RTKN2: variants seen among roughly 807,000 people sequenced by gnomAD.
RTKN2 encodes rhotekin-2.
RTKN2 carries 69 observed loss-of-function variants against 71.5 expected under a neutral mutation model. The ratio of observed to expected loss-of-function variants is 0.96; its 90% CI spans 0.79 to 1.18. The LOEUF is 1.18. RTKN2 is among the 50% of genes most tolerant of loss of function. The probability of loss-of-function intolerance (pLI) is 0.00; values close to 1 mark genes in which losing one functional copy is unlikely to be tolerated. For synonymous variants in RTKN2, 236 were observed against 236.5 expected (o/e 1.00, Z 0.02); for missense variants, 724 against 719.7 (o/e 1.01, Z -0.07).
rs1008592747 is a variant in RTKN2, at chr10:62,223,245, A to G, written c.774T>C (p.Asn258=). ...DSFKTHNLSI[N]GNEESSFWLP... ...AATATATACTGTACTTACCATTTCCATTAATAGACAGATTATGGGTCTTGA... is the reference window on the plus strand; with the variant it reads ...AATATATACTGTACTTACCATTTCCGTTAATAGACAGATTATGGGTCTTGA... Residue 258 remains asparagine, a synonymous_variant, in exon 7 of 12, where the codon AAT becomes AAC. Coordinates refer to ENST00000373789, the MANE Select transcript of RTKN2 (RefSeq NM_145307.4). The G allele has an allele frequency of 2.5e-6, 4 of 1,583,786 alleles. No homozygotes were observed. The African/African-American group carries it at 5.4e-5, about 21-fold the overall frequency.
chr10:62,204,779 T>TTAC (rs1428228769), intron 10 of RTKN2, 78 bp downstream of exon 10: 57 of 1,158,414 alleles, frequency 4.9e-5, no homozygotes, highest in Non-Finnish European at 6.7e-5. Context: ...AACTCTAAGA[T>TTAC]TACAATTTTA....
chr10:62,199,942 C>A, intron 10 of RTKN2, 81 bp from the exon 11 acceptor site: 1 of 890,080 alleles, frequency 1.1e-6, no homozygotes, highest in South Asian at 1.6e-5. Context: ...GATAGCAATA[C>A]ATTTTTGCTT....
intron 9 of RTKN2, among the ~76,000 whole-genome samples, chr10:62,212,881 G>A (rs796764032): frequency 6.6e-6 from 1 of 152,102 alleles, no homozygotes; most frequent in African/African-American, 2.4e-5. Flanking sequence ...TGAAGGTAGG[G>A]CAGGGAGGAA....
In RTKN2 at chr10:62,195,241, C is replaced by G. The variant is rs1841299372; in HGVS notation, c.*2667G>C. 2 of 980,358 alleles carry G rather than the reference C, an allele frequency of 2.0e-6. No homozygotes were observed. Among genetic ancestry groups the G allele is most frequent in the South Asian group, 9.4e-5 (2 of 21,176 alleles). The allele number at this position is 980,358 out of a possible 1,614,324, so 60.7% of individuals were successfully genotyped here. A position where few individuals can be genotyped will look rare whatever the true frequency, so the allele number is the denominator to read the frequency against. On this transcript the variant is annotated 3_prime_UTR_variant, in exon 12 of 12. Coordinates refer to ENST00000373789, the MANE Select transcript of RTKN2 (RefSeq NM_145307.4). Reference sequence around the variant, plus strand: ...CCCCAATTATATTATCAAGAGCTGACAGCTAACTCTTTGTTTCAAGTTTAT... The same window carrying G: ...CCCCAATTATATTATCAAGAGCTGAGAGCTAACTCTTTGTTTCAAGTTTAT...
Position 62,198,321 on chromosome 10 carries a change from G to A in RTKN2, c.1417C>T (p.Leu473Phe). The change falls in exon 12 of 12, where the codon CTC becomes TTC. Residue 473 changes from leucine to phenylalanine, a missense_variant. By Grantham distance (22) the Leu-to-Phe change is conservative. Coordinates refer to ENST00000373789, the MANE Select transcript of RTKN2 (RefSeq NM_145307.4). ...ACCATTTGATGGTTACCATCAAAGA[G>A]TGTGGCCCAAGGAGGTGGTAAGGAT... ...EESLPPPWATLFDGNHQMVIQ... is the reference protein window; with the variant it reads ...EESLPPPWATFFDGNHQMVIQ... The A allele has an allele frequency of 6.2e-7, 1 of 1,613,774 alleles. No individual in the cohort carries two copies. Among genetic ancestry groups the A allele is most frequent in the Non-Finnish European group, 8.5e-7 (1 of 1,179,738 alleles).
intron 9 of RTKN2, among the ~76,000 whole-genome samples, chr10:62,212,033 T>TA (rs1841670429): frequency 6.6e-6 from 1 of 152,150 alleles, no homozygotes; most frequent in African/African-American, 2.4e-5. Flanking sequence ...AACTGGTTTT[T>TA]ATCCTTTGTT....
chr10:62,210,822 G>C (rs926357288), intron 9 of RTKN2, among the ~76,000 whole-genome samples: 1 of 151,848 alleles, frequency 6.6e-6, no homozygotes, highest in Non-Finnish European at 1.5e-5. Context: ...GAAAATGTTT[G>C]AAAAATTATT....
At chr10:62,237,844 A>C (rs1186499759) in intron 5 of RTKN2, among the ~76,000 whole-genome samples, 1 of 151,264 alleles carries the variant, frequency 6.6e-6, no homozygotes, top group Non-Finnish European at 1.5e-5. Flanking sequence ...ATTGGCCTGG[A>C]ATGTAGGAGG....
intron 5 of RTKN2, chr10:62,238,406 C>G (rs1842301952): frequency 6.6e-6 from 1 of 151,852 alleles, no homozygotes. Flanking sequence ...TCAGTAACTT[C>G]TATTGTTCTT....
chr10:62,241,931 C>A (rs1208126940), intron 3 of RTKN2, among the ~76,000 whole-genome samples: 2 of 151,908 alleles, frequency 1.3e-5, no homozygotes, highest in African/African-American at 2.4e-5. Flanking sequence ...GATCTCCTGA[C>A]CTCGTGATCC....
downstream of RTKN2, among the ~76,000 whole-genome samples, chr10:62,190,248 A>G (rs950523412): frequency 6.6e-6 from 1 of 152,162 alleles, no homozygotes; most frequent in African/African-American, 2.4e-5. Context: ...CTTGGTCTCA[A>G]TGCTTTTTTG....
intron 10 of RTKN2, 94 bp from the exon 11 acceptor site, chr10:62,199,955 A>C (rs1192791098): frequency 1.3e-6 from 1 of 782,702 alleles, no homozygotes; most frequent in Non-Finnish European, 2.1e-6. Flanking sequence ...TTTTGCTTTG[A>C]ATAAAAATCA....
chr10:62,214,054 G>GGC (rs2132870263), intron 9 of RTKN2, among the ~76,000 whole-genome samples: 2 of 151,874 alleles, frequency 1.3e-5, no homozygotes, highest in South Asian at 4.2e-4. Context: ...AAGAGAAAAA[G>GGC]GCTTCTAAAG....
chr10:62,254,653 G>A (rs909459636), intron 2 of RTKN2, among the ~76,000 whole-genome samples: 1 of 152,058 alleles, frequency 6.6e-6, no homozygotes, highest in Non-Finnish European at 1.5e-5. Flanking sequence ...AAATAAAATA[G>A]ATTAGGCTGA....
intron 5 of RTKN2, among the ~76,000 whole-genome samples, chr10:62,237,562 T>C (rs1842284369): frequency 2.6e-5 from 4 of 151,936 alleles, no homozygotes; most frequent in Admixed American, 2.6e-4. Flanking sequence ...TGTCATTCCT[T>C]TAATACATTT....
At position 62,197,635 on chromosome 10, in the gene RTKN2, TA is replaced by T; in HGVS notation, c.*272del. The stretch of plus-strand genomic sequence containing the variant: ...CTAGGGCTTATTCACTGCCTGGTAC[TA>T]ATTCAGGAATAAATTAACCCTTCCA... On this transcript the variant is annotated 3_prime_UTR_variant, in exon 12 of 12. Coordinates refer to ENST00000373789, the MANE Select transcript of RTKN2 (RefSeq NM_145307.4). The T allele has an allele frequency of 1.6e-6, 2 of 1,225,772 alleles. No homozygotes were observed. The highest frequency in any genetic ancestry group is 4.7e-5 in the South Asian group (2 of 42,334). The allele number at this position is 1,225,772 out of a possible 1,614,324, so 75.9% of individuals were successfully genotyped here.
At chr10:62,201,451 G>T (rs1841440339) in intron 10 of RTKN2, among the ~76,000 whole-genome samples, 2 of 151,986 alleles carry the variant, frequency 1.3e-5, no homozygotes, top group Non-Finnish European at 2.9e-5. Context: ...TGAGTACAAG[G>T]CTTCAAAGGT....
intron 9 of RTKN2, among the ~76,000 whole-genome samples, chr10:62,215,859 G>T (rs1371838662): frequency 6.6e-6 from 1 of 151,618 alleles, no homozygotes; most frequent in Non-Finnish European, 1.5e-5. Flanking sequence ...TAAAAAGTTG[G>T]CAAGTAATGA....
In RTKN2 at chr10:62,268,753, G is replaced by C. The variant is rs1564536374; in HGVS notation, c.-143C>G. ...AGGGGCCGGGGGCGCAGGAGGAGCC[G>C]GGCCGAAGCGCACGCGCAGTGGGCG... On this transcript the variant is annotated 5_prime_UTR_variant, in exon 1 of 12. Coordinates refer to ENST00000373789, the MANE Select transcript of RTKN2 (RefSeq NM_145307.4). The C allele has an allele frequency of 9.7e-6, 8 of 823,156 alleles. No homozygotes were observed. The highest frequency in any genetic ancestry group is 3.0e-5 in the Admixed American group (1 of 33,130). The allele number at this position is 823,156 out of a possible 1,614,324, so 51.0% of individuals were successfully genotyped here.
Sources: gnomAD v4.1 joint callset for allele counts (sites outside exome capture counted in the v4.1 genomes callset) on GRCh38, gnomAD v4.1.1 for gene constraint, MANE v1.5 for transcripts, NCBI Gene and HGNC (gene_info 2026-07-23, HGNC 2026-07-21) for gene names.